Variants in NRXN3 observed in about 807,000 individuals in gnomAD.
NRXN3 encodes neurexin III.
In NRXN3, 32 loss-of-function variants were observed where a neutral mutation model predicts 137.6. That is an observed-to-expected ratio of 0.23 (90% CI 0.18 to 0.31). The LOEUF is 0.31. Ranked by LOEUF, NRXN3 falls within the 10% of genes least tolerant of loss-of-function variation. NRXN3 has a pLI of 1.00. For synonymous variants in NRXN3, 798 were observed against 784.5 expected (o/e 1.02, Z -0.29); for missense variants, 1,574 against 2,062.5 (o/e 0.76, Z 4.59).
intron 15 of NRXN3, among the ~76,000 whole-genome samples, chr14:79,332,024 A>G (rs2153325653): frequency 6.6e-6 from 1 of 152,304 alleles, no homozygotes; most frequent in East Asian, 1.9e-4. Flanking sequence ...AGTGTTAGCA[A>G]TTTGGCACGG....
intron 4 of NRXN3, among the ~76,000 whole-genome samples, chr14:78,350,016 G>T (rs2083266396): frequency 6.6e-6 from 1 of 152,054 alleles, no homozygotes; most frequent in Non-Finnish European, 1.5e-5. Context: ...GATGGGGCAT[G>T]GTGGCTCACG....
At chr14:78,371,670 C>T (rs1018581390) in intron 4 of NRXN3, among the ~76,000 whole-genome samples, 22 of 152,214 alleles carry the variant, frequency 1.4e-4, no homozygotes, top group African/African-American at 4.1e-4. Context: ...GACACCCACT[C>T]GCCTGTGTGC....
chr14:78,231,864 A>G (rs79347652), intron 1 of NRXN3, among the ~76,000 whole-genome samples: 1 of 152,174 alleles, frequency 6.6e-6, no homozygotes, highest in African/African-American at 2.4e-5. Flanking sequence ...GTGTGCTGGA[A>G]GAACTGTGTA....
chr14:79,238,224 T>G (rs2153327387), intron 15 of NRXN3, among the ~76,000 whole-genome samples: 1 of 152,304 alleles, frequency 6.6e-6, no homozygotes, highest in South Asian at 2.1e-4. Flanking sequence ...GGACTCACTT[T>G]TTTAATACTA....
intron 19 of NRXN3, among the ~76,000 whole-genome samples, chr14:79,745,666 C>T (rs1161826347): frequency 6.6e-6 from 1 of 152,092 alleles, no homozygotes; most frequent in Admixed American, 6.6e-5. Context: ...AAGTACCACA[C>T]ACTGAGTGCC....
intron 16 of NRXN3, among the ~76,000 whole-genome samples, chr14:79,487,274 C>A (rs2096665990): frequency 6.6e-6 from 1 of 152,048 alleles, no homozygotes. Context: ...CTAATTCTTC[C>A]TAAAAGCTTA....
chr14:78,477,579 A>G (rs1445339073), intron 4 of NRXN3, among the ~76,000 whole-genome samples: 1 of 152,248 alleles, frequency 6.6e-6, no homozygotes, highest in Non-Finnish European at 1.5e-5. Context: ...AATGCAAATC[A>G]GTTCTGAAAT....
At chr14:79,811,899 A>G (rs1275494967) in intron 20 of NRXN3, among the ~76,000 whole-genome samples, 1 of 151,980 alleles carries the variant, frequency 6.6e-6, no homozygotes, top group South Asian at 2.1e-4. Context: ...TCACTTTTTT[A>G]TAACAGCCCC....
At chr14:78,963,774 A>T (rs1447797928) in intron 11 of NRXN3, among the ~76,000 whole-genome samples, 1 of 152,148 alleles carries the variant, frequency 6.6e-6, no homozygotes, top group East Asian at 1.9e-4. Flanking sequence ...TTGTGCTTAT[A>T]GGGAATATAA....
intron 4 of NRXN3, among the ~76,000 whole-genome samples, chr14:78,562,568 G>A (rs956307592): frequency 6.6e-6 from 1 of 151,970 alleles, no homozygotes; most frequent in African/African-American, 2.4e-5. Context: ...TGGTGGAGAG[G>A]CCTTGGGGAA....
At chr14:79,765,703 A>G (rs112280052) in intron 19 of NRXN3, among the ~76,000 whole-genome samples, 48 of 152,306 alleles carry the variant, frequency 3.2e-4, no homozygotes, top group African/African-American at 1.1e-3. Flanking sequence ...TTCAATATTG[A>G]CCATATGGAT....
intron 15 of NRXN3, among the ~76,000 whole-genome samples, chr14:79,447,086 T>C (rs1169033116): frequency 6.6e-6 from 1 of 152,176 alleles, no homozygotes; most frequent in Non-Finnish European, 1.5e-5. Flanking sequence ...TAAGTTCCAT[T>C]AAGAAAGACA....
At chr14:78,175,832 T>C (rs12878262) in intron 1 of NRXN3, among the ~76,000 whole-genome samples, 24,330 of 152,256 alleles carry the variant, frequency 0.16, 2,542 homozygotes, top group Middle Eastern at 0.24. Flanking sequence ...CCCAACCTCC[T>C]GGCTGCTTTC....
intron 15 of NRXN3, among the ~76,000 whole-genome samples, chr14:79,116,456 A>G (rs1346084605): frequency 6.6e-6 from 1 of 152,244 alleles, no homozygotes; most frequent in Non-Finnish European, 1.5e-5. Context: ...CCCATTACGC[A>G]TACACCACAG....
intron 15 of NRXN3, among the ~76,000 whole-genome samples, chr14:79,275,714 C>T (rs1461546400): frequency 6.6e-6 from 1 of 151,052 alleles, no homozygotes; most frequent in Non-Finnish European, 1.5e-5. Context: ...CTGGGACATT[C>T]TCTTGCAGGG....
chr14:78,997,728 C>A (rs950491667), intron 15 of NRXN3, among the ~76,000 whole-genome samples: 8 of 152,160 alleles, frequency 5.3e-5, no homozygotes, highest in African/African-American at 1.9e-4. Flanking sequence ...AATGCTTATA[C>A]CCAAGTAACC....
At chr14:78,205,656 T>C (rs2062116607) in intron 1 of NRXN3, among the ~76,000 whole-genome samples, 4 of 152,146 alleles carry the variant, frequency 2.6e-5, no homozygotes, top group African/African-American at 2.4e-5. Context: ...GAGACAAAGA[T>C]TGCTGAGGGA....
At chr14:78,698,103 G>A (rs1338129988) in intron 6 of NRXN3, 1 of 152,022 alleles carries the variant, frequency 6.6e-6, no homozygotes, top group Non-Finnish European at 1.5e-5. Context: ...ACAAGAGGTT[G>A]CCCCTATACG....
chr14:78,619,379 G>A (rs1179389179), intron 4 of NRXN3, among the ~76,000 whole-genome samples: 1 of 152,176 alleles, frequency 6.6e-6, no homozygotes, highest in Admixed American at 6.5e-5. Flanking sequence ...TTTGAGGTAG[G>A]TAGGGAGGTA....
Sources: allele counts gnomAD v4.1 joint callset (sites outside exome capture counted in the v4.1 genomes callset), GRCh38; gene constraint gnomAD v4.1.1; transcripts MANE v1.5; gene names NCBI Gene and HGNC (gene_info 2026-07-23, HGNC 2026-07-21).